NEB: variants seen among roughly 807,000 people sequenced by gnomAD.
NEB encodes the protein nebulin.
Under a neutral mutation model 952.2 loss-of-function variants are expected in NEB, and 512 were observed. That is an observed-to-expected ratio of 0.54 (90% CI 0.50 to 0.58). NEB has a LOEUF of 0.58. Among genes scored for constraint, NEB ranks in the 20% least tolerant of loss-of-function variants. The pLI is 0.00. For synonymous variants in NEB, 2,900 were observed against 3,149.8 expected, an observed-to-expected ratio of 0.92 and a Z score of 2.66; for missense variants, 8,428 against 9,231.1, an observed-to-expected ratio of 0.91 and a Z score of 3.56.
At chr2:151,512,699 G>A (rs575237517) in intron 161 of NEB, 34 bp downstream of exon 161, 1 of 1,390,512 alleles carries the variant, frequency 7.2e-7, no homozygotes, top group South Asian at 1.2e-5. Flanking sequence ...TCATGATTGG[G>A]GTTTATGAGT....
intron 13 of NEB, among the ~76,000 whole-genome samples, chr2:151,698,698 C>T (rs1346717436): frequency 2.1e-4 from 30 of 144,456 alleles, no homozygotes; most frequent in African/African-American, 7.8e-4. Flanking sequence ...AGTGCAGTGG[C>T]ACAAACTCGG....
chr2:151,553,294 C>T (rs1577241072), intron 127 of NEB, 104 bp downstream of exon 127: 3 of 937,598 alleles, frequency 3.2e-6, no homozygotes, highest in East Asian at 2.6e-5. Context: ...CAGCCACCCC[C>T]CAGAGCTGGC....
chr2:151,542,485 T>C (rs2094194406), intron 135 of NEB, among the ~76,000 whole-genome samples: 2 of 152,208 alleles, frequency 1.3e-5, no homozygotes, highest in Admixed American at 6.5e-5. Context: ...CTATCTCAAA[T>C]TGCTGCTTCT....
At chr2:151,578,716 A>C (rs2096983379) in intron 105 of NEB, among the ~76,000 whole-genome samples, 1 of 148,052 alleles carries the variant, frequency 6.8e-6, no homozygotes, top group Non-Finnish European at 1.5e-5. Context: ...GGAAGGAAGG[A>C]AGGAAGGAGG....
chr2:151,530,214 A>G (rs951739193), intron 145 of NEB, among the ~76,000 whole-genome samples: 6 of 152,172 alleles, frequency 3.9e-5, no homozygotes, highest in African/African-American at 1.4e-4. Flanking sequence ...ATAGAACTGT[A>G]TATTGTCATT....
At chr2:151,691,147 C>T (rs1288458436) in intron 23 of NEB, among the ~76,000 whole-genome samples, 2 of 152,130 alleles carry the variant, frequency 1.3e-5, no homozygotes, top group Non-Finnish European at 2.9e-5. Flanking sequence ...CCTACAGAAT[C>T]CATCCCCTCC....
At chr2:151,691,695 T>C (rs1175413938) in intron 23 of NEB, among the ~76,000 whole-genome samples, 169 bp downstream of exon 23, 2 of 152,194 alleles carry the variant, frequency 1.3e-5, no homozygotes, top group Non-Finnish European at 2.9e-5. Context: ...CAAATGGCCT[T>C]CCTCAACATA....
chr2:151,680,461 A>T (rs906841200), intron 30 of NEB, among the ~76,000 whole-genome samples: 1 of 151,792 alleles, frequency 6.6e-6, no homozygotes, highest in African/African-American at 2.4e-5. Context: ...AAAGGCTTGT[A>T]GTTTTTGTTG....
chr2:151,610,005 C>G lies in NEB; in HGVS notation c.12134G>C (p.Arg4045Thr), dbSNP rs1286466715. Residue 4045 changes from arginine to threonine, a missense_variant, in exon 81 of 182, where the codon AGG (arginine) becomes ACG (threonine). This residue lies in a region of NEB where 337 missense variants were observed against 297.5 expected (regional missense o/e 1.13). Coordinates refer to ENST00000397345, the MANE Select transcript of NEB (RefSeq NM_001164508.2). The stretch of plus-strand genomic sequence containing the variant: ...CTTTTGGAATTCCTTCTTGTACTCC[C>G]TTTCACTTTGAATTTTTCCTGCATG... The part of the protein sequence containing the change: ...AIHAGKIQSE[R>T]EYKKEFQKWK... The G allele has an allele frequency of 1.9e-6, 3 of 1,613,796 alleles. No individual in the cohort carries two copies. Among genetic ancestry groups the G allele is most frequent in the East Asian group, 4.5e-5 (2 of 44,868 alleles).
rs1189276772 is a variant in NEB at position 151,658,394 on chromosome 2, T to C, written c.6076-304A>G. On this transcript the variant is annotated intron_variant, in intron 47 of 181. Coordinates refer to ENST00000397345, the MANE Select transcript of NEB (RefSeq NM_001164508.2). ...GATTCTTATTGATGCAAATAAGAGTTAAAGGAAGACTACAAAACAGCCTTA... is the reference window on the plus strand; with the variant it reads ...GATTCTTATTGATGCAAATAAGAGTCAAAGGAAGACTACAAAACAGCCTTA... 1.3e-5 allele frequency among the ~76,000 whole-genome samples: 2 copies of C among 152,136 alleles called. 1 individual carries two copies. The highest frequency in any genetic ancestry group is 6.3e-3 in the Middle Eastern group (2 of 316).
At chr2:151,607,768 G>A (rs534933139) in intron 82 of NEB, among the ~76,000 whole-genome samples, 160 bp from the exon 83 acceptor site, 1,096 of 10,506 alleles carry the variant, frequency 0.1, 155 homozygotes, top group African/African-American at 0.2. Flanking sequence ...CAGCTTGGCT[G>A]GGGCATGGTA....
At chr2:151,626,569 C>T (rs977715871) in intron 70 of NEB, among the ~76,000 whole-genome samples, 12 of 151,628 alleles carry the variant, frequency 7.9e-5, no homozygotes, top group Non-Finnish European at 1.6e-4. Flanking sequence ...CGGAATCTTG[C>T]TCTGTCGCCC....
intron 42 of NEB, 25 bp downstream of exon 42, chr2:151,665,308 G>A: frequency 6.8e-6 from 11 of 1,608,350 alleles, no homozygotes; most frequent in Non-Finnish European, 9.4e-6. Flanking sequence ...GGTTCCCTGG[G>A]CGAGGCTGGC....
intron 31 of NEB, 26 bp from the exon 32 acceptor site, chr2:151,679,854 C>A (rs2099401376): frequency 1.2e-6 from 2 of 1,610,056 alleles, no homozygotes; most frequent in East Asian, 2.2e-5. Context: ...CATTTAAGTA[C>A]AACTTAGAGA....
intron 81 of NEB, among the ~76,000 whole-genome samples, chr2:151,609,171 C>A (rs926827202): frequency 3.3e-5 from 5 of 150,236 alleles, no homozygotes; most frequent in African/African-American, 1.2e-4. Flanking sequence ...CCAGCCTGGG[C>A]AACGAGAGTG....
At chr2:151,567,104 G>T in intron 114 of NEB, 64 bp downstream of exon 114, 3 of 1,369,682 alleles carry the variant, frequency 2.2e-6, no homozygotes, top group Non-Finnish European at 3.0e-6. Flanking sequence ...GATCTGGGAT[G>T]TTGCTCATCA....
chr2:151,730,170 A>G (rs896243633), intron 3 of NEB, among the ~76,000 whole-genome samples: 1 of 152,232 alleles, frequency 6.6e-6, no homozygotes, highest in African/African-American at 2.4e-5. Flanking sequence ...AATTATTCCT[A>G]TACCCTCCTG....
At chr2:151,572,735 T>C (rs1018340070) in intron 107 of NEB, among the ~76,000 whole-genome samples, 2 of 150,534 alleles carry the variant, frequency 1.3e-5, no homozygotes, top group African/African-American at 4.9e-5. Context: ...TTAGTAGAGA[T>C]GGGGTTTCAT....
intron 10 of NEB, among the ~76,000 whole-genome samples, chr2:151,713,493 G>A (rs1466581522): frequency 6.6e-6 from 1 of 152,150 alleles, no homozygotes; most frequent in African/African-American, 2.4e-5. Flanking sequence ...CCTGGGCCTG[G>A]TATCCTCATG....
Sources: allele counts gnomAD v4.1 joint callset (sites outside exome capture counted in the v4.1 genomes callset), GRCh38; gene constraint gnomAD v4.1.1; regional missense constraint gnomAD v4.1.1; transcripts MANE v1.5; gene names NCBI Gene and HGNC (gene_info 2026-07-23, HGNC 2026-07-21).